The following OSBPL8 variants were observed in gnomAD, a reference collection of about 807,000 sequenced individuals.
OSBPL8 encodes oxysterol-binding protein-related protein 8.
Under a neutral mutation model 125.5 loss-of-function variants are expected in OSBPL8, and 59 were observed. The ratio of observed to expected loss-of-function variants is 0.47; its 90% CI spans 0.38 to 0.58. OSBPL8 has a LOEUF of 0.58. OSBPL8 is among the 20% of genes least tolerant of loss of function. The pLI is 0.00. For missense variants in OSBPL8, 758 were observed against 1,047.8 expected (o/e 0.72, Z 3.82); for synonymous variants, 330 against 338.9 (o/e 0.97, Z 0.29).
At chr12:76,407,592 T>A (rs1222069367) in intron 5 of OSBPL8, among the ~76,000 whole-genome samples, 1 of 152,200 alleles carries the variant, frequency 6.6e-6, no homozygotes, top group Non-Finnish European at 1.5e-5. Flanking sequence ...ATAGACATCT[T>A]AAGCTAACAG....
intron 1 of OSBPL8, among the ~76,000 whole-genome samples, chr12:76,540,487 CGTGTGT>C (rs59101769): frequency 0.068 from 9,622 of 141,638 alleles, 568 homozygotes; most frequent in African/African-American, 0.16. Flanking sequence ...ATTATATAGT[CGTGTGT>C]GTGTGTGTGT....
intron 2 of OSBPL8, among the ~76,000 whole-genome samples, chr12:76,484,470 G>C (rs1877908591): frequency 6.6e-6 from 1 of 152,158 alleles, no homozygotes; most frequent in Non-Finnish European, 1.5e-5. Flanking sequence ...AATAAAAATA[G>C]TTGCTTTTAT....
chr12:76,431,569 G>C (rs907280809), intron 4 of OSBPL8, among the ~76,000 whole-genome samples: 1 of 152,118 alleles, frequency 6.6e-6, no homozygotes, highest in African/African-American at 2.4e-5. Flanking sequence ...AAGGGCAGTG[G>C]TGGAGAAAGA....
rs1951895356 is a variant in OSBPL8 at position 76,353,716 on chromosome 12, A to T, written c.*2173T>A. ...TTCATAGAAAGAGACTCATACAACT[A>T]AAAGCATAATAAGAGGACTATTAGA... On this transcript the variant is annotated 3_prime_UTR_variant, in exon 24 of 24. Transcript: ENST00000261183. 6.6e-6 allele frequency: 1 copy of T among 152,460 alleles called. No individual in the cohort carries two copies. The highest frequency in any genetic ancestry group is 2.1e-4 in the South Asian group (1 of 4,836). 9.4% of individuals were successfully genotyped at this position (152,460 alleles called of 1,614,324 possible).
chr12:76,371,101 C>T (rs950793983), intron 19 of OSBPL8: 1 of 160,328 alleles, frequency 6.2e-6, no homozygotes, highest in Admixed American at 6.3e-5. Flanking sequence ...ACCTAGAGTT[C>T]TAATGCTTAA....
At chr12:76,502,234 G>C (rs181685421) in intron 1 of OSBPL8, among the ~76,000 whole-genome samples, 1 of 152,260 alleles carries the variant, frequency 6.6e-6, no homozygotes, top group East Asian at 1.9e-4. Flanking sequence ...TGAGAGGGAG[G>C]AATGGAAGTG....
At chr12:76,512,792 T>C (rs1364140420) in intron 1 of OSBPL8, among the ~76,000 whole-genome samples, 1 of 152,208 alleles carries the variant, frequency 6.6e-6, no homozygotes, top group Non-Finnish European at 1.5e-5. Flanking sequence ...GCCATTTCAA[T>C]GATATTGATT....
At chr12:76,558,210 C>G (rs925151444) in intron 1 of OSBPL8, among the ~76,000 whole-genome samples, 1 of 152,100 alleles carries the variant, frequency 6.6e-6, no homozygotes, top group African/African-American at 2.4e-5. Flanking sequence ...CTTACTTTTC[C>G]TATTCCAACC....
At chr12:76,369,534 G>A in intron 20 of OSBPL8, 103 bp downstream of exon 20, 2 of 1,365,892 alleles carry the variant, frequency 1.5e-6, no homozygotes, top group East Asian at 2.4e-5. Flanking sequence ...TAATATACAT[G>A]GTTTAATTAA....
chr12:76,453,633 A>G (rs1873680040), intron 3 of OSBPL8, among the ~76,000 whole-genome samples: 1 of 152,198 alleles, frequency 6.6e-6, no homozygotes, highest in Admixed American at 6.5e-5. Flanking sequence ...TCTTTAGAAT[A>G]AGAGAATATC....
chr12:76,409,935 G>C (rs543313617), intron 5 of OSBPL8, among the ~76,000 whole-genome samples: 1 of 152,182 alleles, frequency 6.6e-6, no homozygotes, highest in South Asian at 2.1e-4. Flanking sequence ...TTACCAGAAA[G>C]AACAGCCAAA....
chr12:76,474,455 AT>A (rs1229782460), intron 2 of OSBPL8, among the ~76,000 whole-genome samples: 2 of 152,068 alleles, frequency 1.3e-5, no homozygotes, highest in African/African-American at 4.8e-5. Context: ...ATATAATTTA[AT>A]TTTGTGTGTA....
At chr12:76,402,588 T>C in intron 6 of OSBPL8, 101 bp downstream of exon 6, 1 of 851,132 alleles carries the variant, frequency 1.2e-6, no homozygotes, top group Non-Finnish European at 1.9e-6. Context: ...TGTTTTTTCT[T>C]TCTTTAGGAA....
chr12:76,415,722 C>A (rs778473085), intron 4 of OSBPL8, among the ~76,000 whole-genome samples: 24 of 152,184 alleles, frequency 1.6e-4, no homozygotes, highest in Non-Finnish European at 3.2e-4. Flanking sequence ...ATGGCTCCAA[C>A]TATAGTTATA....
At chr12:76,377,237 C>A (rs752386548) in intron 16 of OSBPL8, among the ~76,000 whole-genome samples, 2 of 152,132 alleles carry the variant, frequency 1.3e-5, no homozygotes, top group Non-Finnish European at 2.9e-5. Context: ...AATAAACATA[C>A]GTGTACATGT....
intron 1 of OSBPL8, among the ~76,000 whole-genome samples, chr12:76,550,054 G>C (rs745547530): frequency 3.4e-5 from 5 of 147,698 alleles, no homozygotes; most frequent in Non-Finnish European, 7.5e-5. Context: ...CAGATAAATA[G>C]AGAATGCAGC....
intron 1 of OSBPL8, among the ~76,000 whole-genome samples, chr12:76,490,891 C>T (rs1878646988): frequency 6.6e-6 from 1 of 152,250 alleles, no homozygotes; most frequent in Non-Finnish European, 1.5e-5. Flanking sequence ...GATGCTGCAG[C>T]AGAGCCTGCA....
At chr12:76,524,684 CT>C (rs199735464) in intron 1 of OSBPL8, among the ~76,000 whole-genome samples, 1,678 of 139,050 alleles carry the variant, frequency 0.012, 18 homozygotes, top group African/African-American at 0.036. Context: ...GATCTAATTA[CT>C]TTTTTTTTTT....
At chr12:76,445,675 A>G (rs1045233497) in intron 4 of OSBPL8, among the ~76,000 whole-genome samples, 3 of 152,154 alleles carry the variant, frequency 2.0e-5, no homozygotes, top group Non-Finnish European at 4.4e-5. Context: ...ATACCACTAA[A>G]CACCTACTGG....
Sources: allele counts gnomAD v4.1 joint callset (sites outside exome capture counted in the v4.1 genomes callset), GRCh38; gene constraint gnomAD v4.1.1; transcripts MANE v1.5; gene names NCBI Gene and HGNC (gene_info 2026-07-23, HGNC 2026-07-21).